THSD7A: variants seen among roughly 807,000 people sequenced by gnomAD.
THSD7A encodes the protein thrombospondin type 1 domain containing 7A.
A neutral mutation model predicts 231.3 loss-of-function variants in THSD7A; 96 were observed. That is an observed-to-expected ratio of 0.41 (90% CI 0.35 to 0.49). The LOEUF (loss-of-function observed/expected upper bound fraction) is 0.49, where lower values mean the gene tolerates loss of function less well. Among genes scored for constraint, THSD7A ranks in the 20% least tolerant of loss-of-function variants. THSD7A has a pLI of 0.05. For missense variants in THSD7A, 2,290 were observed against 2,070.2 expected (o/e 1.11, Z -2.06); for synonymous variants, 940 against 743.3 (o/e 1.26, Z -4.30).
intron 1 of THSD7A, among the ~76,000 whole-genome samples, chr7:11,773,272 G>A (rs548986276): frequency 1.4e-4 from 22 of 152,268 alleles, no homozygotes; most frequent in African/African-American, 5.1e-4. Flanking sequence ...AGTGGCTCAC[G>A]CCTGTAATCT....
chr7:11,536,671 C>A (rs187664719), intron 6 of THSD7A, among the ~76,000 whole-genome samples: 52 of 152,190 alleles, frequency 3.4e-4, no homozygotes, highest in Non-Finnish European at 5.4e-4. Context: ...TTTGCTTATT[C>A]ATTCCCCCTT....
Position 11,525,363 on chromosome 7 carries a change from A to G in THSD7A, c.1822+16056T>C, listed in dbSNP as rs557907064. Among the ~76,000 whole-genome samples, 15 of 152,308 alleles carry G rather than the reference A, an allele frequency of 9.8e-5. No homozygotes were observed. The South Asian group carries it at 3.1e-3, about 32-fold the overall frequency. ...TAATGTTCTTCATGTCAAATTGAAA[A>G]TAAATGAAGATCAGTTTTTTAAATT... On this transcript the variant is annotated intron_variant, in intron 6 of 27. Coordinates refer to ENST00000423059, the MANE Select transcript of THSD7A (RefSeq NM_015204.3).
intron 1 of THSD7A, among the ~76,000 whole-genome samples, chr7:11,710,487 T>G (rs1183591200): frequency 6.6e-6 from 1 of 150,806 alleles, no homozygotes; most frequent in African/African-American, 2.4e-5. Flanking sequence ...TGCTGCAAAA[T>G]TTGTAACCTG....
At chr7:11,643,140 T>C (rs1486285437) in intron 1 of THSD7A, among the ~76,000 whole-genome samples, 3 of 152,090 alleles carry the variant, frequency 2.0e-5, no homozygotes, top group Non-Finnish European at 4.4e-5. Context: ...GTTTCTTGTT[T>C]GACTAAATAT....
Position 11,474,365 on chromosome 7 carries a change from G to A in THSD7A, c.2221C>T (p.Arg741Ter), listed in dbSNP as rs1356637215. 5 of 1,613,108 alleles carry A rather than the reference G, an allele frequency of 3.1e-6. No homozygotes were observed. The highest frequency in any genetic ancestry group is 4.2e-6 in the Non-Finnish European group (5 of 1,179,422). The change falls in exon 8 of 28, where the codon CGA becomes TGA. Residue 741 changes from arginine to a stop codon, truncating the protein, a stop_gained. Coordinates refer to ENST00000423059, the MANE Select transcript of THSD7A (RefSeq NM_015204.3). LOFTEE classifies it high-confidence loss of function. The surrounding 1 kb of genome is among the most constrained non-coding windows in gnomAD (Gnocchi z 4.1). Reference protein sequence around the residue: ...GMQTRKVICVRVNVGQVGPKK... With the variant: ...GMQTRKVICV ...GGTCCCACTTGGCCCACATTGACTC[G>A]CACACAGATGACTTTTCTTGTCTGC...
At chr7:11,726,181 C>T (rs1781538619) in intron 1 of THSD7A, among the ~76,000 whole-genome samples, 1 of 151,938 alleles carries the variant, frequency 6.6e-6, no homozygotes, top group African/African-American at 2.4e-5. Context: ...CAAAGTTATG[C>T]AGCACTGAAT....
At chr7:11,547,181 T>C (rs1334366431) in intron 4 of THSD7A, among the ~76,000 whole-genome samples, 1 of 152,198 alleles carries the variant, frequency 6.6e-6, no homozygotes, top group Non-Finnish European at 1.5e-5. Flanking sequence ...GAAAGACTGT[T>C]ACTGACCACC....
chr7:11,391,593 G>A (rs1229361198), intron 23 of THSD7A, among the ~76,000 whole-genome samples: 1 of 129,572 alleles, frequency 7.7e-6, no homozygotes, highest in Non-Finnish European at 1.5e-5. Context: ...CCTTTCCAGG[G>A]CAGTGAATGG....
At chr7:11,389,934 A>T (rs934118054) in intron 23 of THSD7A, among the ~76,000 whole-genome samples, 1 of 152,186 alleles carries the variant, frequency 6.6e-6, no homozygotes, top group African/African-American at 2.4e-5. Context: ...AATGTCGAAT[A>T]TGGGCCCCCA....
At chr7:11,552,626 C>G (rs1427401404) in intron 4 of THSD7A, among the ~76,000 whole-genome samples, 4 of 152,064 alleles carry the variant, frequency 2.6e-5, no homozygotes, top group Non-Finnish European at 5.9e-5. Context: ...AGCCCCACAT[C>G]ATTTTCCTTT....
At chr7:11,829,387 A>T (rs943122126) in intron 1 of THSD7A, among the ~76,000 whole-genome samples, 2 of 152,072 alleles carry the variant, frequency 1.3e-5, no homozygotes, top group Non-Finnish European at 2.9e-5. Flanking sequence ...TATCTATTTA[A>T]TGAGTATTAC....
At chr7:11,529,779 G>C (rs968483549) in intron 6 of THSD7A, among the ~76,000 whole-genome samples, 1 of 152,004 alleles carries the variant, frequency 6.6e-6, no homozygotes, top group African/African-American at 2.4e-5. Flanking sequence ...ACAATGTGAG[G>C]ATACACTAAT....
At chr7:11,779,154 G>C (rs1211333371) in intron 1 of THSD7A, among the ~76,000 whole-genome samples, 1 of 152,062 alleles carries the variant, frequency 6.6e-6, no homozygotes, top group Non-Finnish European at 1.5e-5. Context: ...CTAATGTAAT[G>C]TCATTTTCAA....
intron 9 of THSD7A, among the ~76,000 whole-genome samples, chr7:11,466,346 C>A (rs771080529): frequency 1.3e-5 from 2 of 152,098 alleles, no homozygotes; most frequent in African/African-American, 2.4e-5. Flanking sequence ...ATTTCCATTT[C>A]TTATGAAATA....
chr7:11,704,024 A>G (rs181545893), intron 1 of THSD7A, among the ~76,000 whole-genome samples: 93 of 151,380 alleles, frequency 6.1e-4, no homozygotes, highest in African/African-American at 2.2e-3. Flanking sequence ...AATTAGTGGT[A>G]TCTTTGAAGC....
At chr7:11,404,913 C>T (rs1344535430) in intron 22 of THSD7A, among the ~76,000 whole-genome samples, 2 of 152,030 alleles carry the variant, frequency 1.3e-5, no homozygotes, top group Non-Finnish European at 2.9e-5. Context: ...CATAGCTGAA[C>T]CTTTACACTC....
rs143515138 is a variant in THSD7A at position 11,451,215 on chromosome 7, A to T, written c.2606-3791T>A. 1.6e-3 allele frequency among the ~76,000 whole-genome samples: 250 copies of T among 152,124 alleles called. 1 individual carries two copies. The highest frequency in any genetic ancestry group is 3.4e-3 in the Middle Eastern group (1 of 294). ...TGTCAGATTAAAAGTGACCTAAGAA[A>T]TACACGAACCAAATGCAACGTGGAG... On this transcript the variant is annotated intron_variant, in intron 11 of 27. Coordinates refer to ENST00000423059, the MANE Select transcript of THSD7A (RefSeq NM_015204.3).
At chr7:11,455,397 A>G (rs1208684834) in intron 11 of THSD7A, among the ~76,000 whole-genome samples, 2 of 152,078 alleles carry the variant, frequency 1.3e-5, no homozygotes, top group Non-Finnish European at 2.9e-5. Flanking sequence ...ACACTTGATG[A>G]ACTTAAAGAA....
At position 11,396,042 on chromosome 7, in the gene THSD7A, A is replaced by G. The variant is rs538225939; in HGVS notation, c.4411+5753T>C. Among the ~76,000 whole-genome samples the G allele has an allele frequency of 7.2e-5, 11 of 152,308 alleles. No individual in the cohort carries two copies. The East Asian group carries it at 2.1e-3, about 29-fold the overall frequency. On this transcript the variant is annotated intron_variant, in intron 23 of 27. Transcript: ENST00000423059. ...CTGAACAACCTGCTCCTGAATGACTACTGGGTAAATAACAAAACTAAAGCA... is the reference window on the plus strand; with the variant it reads ...CTGAACAACCTGCTCCTGAATGACTGCTGGGTAAATAACAAAACTAAAGCA...
Sources: gnomAD v4.1 joint callset for allele counts (sites outside exome capture counted in the v4.1 genomes callset) on GRCh38, gnomAD v4.1.1 for gene constraint, Gnocchi (gnomAD v3.1) non-coding constraint, MANE v1.5 for transcripts, NCBI Gene and HGNC (gene_info 2026-07-23, HGNC 2026-07-21) for gene names.